VSNL1: variants seen among roughly 807,000 people sequenced by gnomAD.
VSNL1 encodes the protein visinin-like protein 1.
In VSNL1, 6 loss-of-function variants were observed where a neutral mutation model predicts 20.4. The observed-to-expected ratio is 0.29, with a 90% CI of 0.16 to 0.58. VSNL1 has a LOEUF of 0.58. Among genes scored for constraint, VSNL1 ranks in the 20% least tolerant of loss-of-function variants. The pLI, the probability that VSNL1 is intolerant of heterozygous loss-of-function variation, is 0.90. For synonymous variants in VSNL1, 93 were observed against 86.4 expected (o/e 1.08, Z -0.42); for missense variants, 100 against 234.5 (o/e 0.43, Z 3.75).
chr2:17,585,581 G>A (rs1308061691), intron 1 of VSNL1, among the ~76,000 whole-genome samples: 4 of 150,710 alleles, frequency 2.7e-5, no homozygotes, highest in Non-Finnish European at 5.9e-5. Flanking sequence ...TTAGACACAG[G>A]GACAGCATGC....
chr2:17,644,120 G>A (rs1004659274), intron 2 of VSNL1, among the ~76,000 whole-genome samples: 3 of 151,816 alleles, frequency 2.0e-5, no homozygotes, highest in Non-Finnish European at 4.4e-5. Context: ...AAGTTAGGAA[G>A]CAATGAATGT....
At chr2:17,566,054 C>CT (rs895641762) in intron 1 of VSNL1, among the ~76,000 whole-genome samples, 8 of 152,190 alleles carry the variant, frequency 5.3e-5, no homozygotes, top group Admixed American at 2.0e-4. Flanking sequence ...AAATAAACCT[C>CT]TTTTTTTTAA....
At chr2:17,555,911 G>T (rs987200485) in intron 1 of VSNL1, among the ~76,000 whole-genome samples, 1 of 152,078 alleles carries the variant, frequency 6.6e-6, no homozygotes. Context: ...TAGCCCCAGA[G>T]ACATAAAGAT....
intron 3 of VSNL1, among the ~76,000 whole-genome samples, chr2:17,651,225 G>A (rs563864018): frequency 6.6e-6 from 1 of 152,286 alleles, no homozygotes; most frequent in Non-Finnish European, 1.5e-5. Context: ...AGTCCCCAAG[G>A]ACATACCCAC....
At chr2:17,631,240 C>T (rs900879656) in intron 2 of VSNL1, among the ~76,000 whole-genome samples, 2 of 151,732 alleles carry the variant, frequency 1.3e-5, no homozygotes, top group Non-Finnish European at 2.9e-5. Flanking sequence ...TTCTGAATCT[C>T]GGTGTGGGGA....
chr2:17,609,489 G>A (rs1665031506), intron 2 of VSNL1, among the ~76,000 whole-genome samples: 1 of 152,206 alleles, frequency 6.6e-6, no homozygotes. Flanking sequence ...TGCTCAGTGG[G>A]TACATTTTTG....
intron 1 of VSNL1, among the ~76,000 whole-genome samples, chr2:17,583,362 G>A (rs1003459425): frequency 2.6e-4 from 40 of 152,216 alleles, no homozygotes; most frequent in African/African-American, 9.4e-4. Context: ...CTCCCCACTG[G>A]GACTTGGCAG....
intron 1 of VSNL1, among the ~76,000 whole-genome samples, chr2:17,568,489 T>G (rs1039034652): frequency 9.9e-5 from 15 of 152,156 alleles, no homozygotes; most frequent in African/African-American, 3.4e-4. Context: ...CTAGGCTACT[T>G]AACAAATTTT....
intron 2 of VSNL1, among the ~76,000 whole-genome samples, chr2:17,638,896 C>T (rs1236755961): frequency 2.0e-5 from 3 of 152,182 alleles, no homozygotes; most frequent in South Asian, 2.1e-4. Flanking sequence ...GCCAGCTCCC[C>T]GTTATCCCTC....
chr2:17,621,964 A>G (rs1327143321), intron 2 of VSNL1, among the ~76,000 whole-genome samples: 1 of 152,050 alleles, frequency 6.6e-6, no homozygotes, highest in Non-Finnish European at 1.5e-5. Context: ...CCTGATTTTT[A>G]GACTGGATTC....
At chr2:17,553,726 T>G (rs1663606626) in intron 1 of VSNL1, among the ~76,000 whole-genome samples, 1 of 152,258 alleles carries the variant, frequency 6.6e-6, no homozygotes. Flanking sequence ...AATAATTTAA[T>G]CTCTTTGAGC....
intron 2 of VSNL1, among the ~76,000 whole-genome samples, chr2:17,637,330 AG>A (rs1665776196): frequency 6.6e-6 from 1 of 152,230 alleles, no homozygotes; most frequent in Non-Finnish European, 1.5e-5. Flanking sequence ...ATACACCAGG[AG>A]GGGTGGAGGA....
At chr2:17,653,050 T>C (rs1666154891) in intron 3 of VSNL1, among the ~76,000 whole-genome samples, 1 of 152,192 alleles carries the variant, frequency 6.6e-6, no homozygotes, top group Non-Finnish European at 1.5e-5. Flanking sequence ...TTTATTTTTA[T>C]CCAGTTTTCT....
At chr2:17,592,527 G>A (rs1664613557) in intron 2 of VSNL1, among the ~76,000 whole-genome samples, 1 of 151,504 alleles carries the variant, frequency 6.6e-6, no homozygotes, top group Admixed American at 6.6e-5. Context: ...AAGAGTGTTT[G>A]CTGATAATTA....
chr2:17,557,599 C>T (rs1663715901), intron 1 of VSNL1, among the ~76,000 whole-genome samples: 1 of 152,150 alleles, frequency 6.6e-6, no homozygotes, highest in South Asian at 2.1e-4. Context: ...TCCAGTTTTG[C>T]CTCCTGAGAT....
intron 2 of VSNL1, among the ~76,000 whole-genome samples, chr2:17,639,741 G>T (rs750024311): frequency 2.0e-5 from 3 of 152,176 alleles, no homozygotes; most frequent in Non-Finnish European, 4.4e-5. Flanking sequence ...CATCATGTGT[G>T]TGCTTTACAC....
intron 1 of VSNL1, among the ~76,000 whole-genome samples, chr2:17,591,337 T>C (rs1664589096): frequency 6.6e-6 from 1 of 152,192 alleles, no homozygotes; most frequent in Admixed American, 6.5e-5. Context: ...TTAATGGATA[T>C]AGGTAACATT....
intron 3 of VSNL1, among the ~76,000 whole-genome samples, chr2:17,653,637 G>A (rs1481240558): frequency 1.3e-5 from 2 of 152,054 alleles, no homozygotes; most frequent in African/African-American, 4.8e-5. Flanking sequence ...AAGTAAATAC[G>A]CACAAAATAT....
intron 1 of VSNL1, among the ~76,000 whole-genome samples, chr2:17,560,848 A>G (rs1663796671): frequency 6.6e-6 from 1 of 152,228 alleles, no homozygotes; most frequent in Non-Finnish European, 1.5e-5. Context: ...CCTCTGTACC[A>G]TAATGCCTGG....
Sources: gnomAD v4.1 joint callset for allele counts (sites outside exome capture counted in the v4.1 genomes callset) on GRCh38, gnomAD v4.1.1 for gene constraint, MANE v1.5 for transcripts, NCBI Gene and HGNC (gene_info 2026-07-23, HGNC 2026-07-21) for gene names.